The following FGF13 variants were observed in gnomAD, a reference collection of about 807,000 sequenced individuals.
FGF13 encodes fibroblast growth factor homologous factor 2.
In FGF13, 2 loss-of-function variants were observed where a neutral mutation model predicts 19.5. The observed-to-expected ratio is 0.10, with a 90% confidence interval of 0.04 to 0.32. The LOEUF (loss-of-function observed/expected upper bound fraction) is 0.32. FGF13 is among the 10% of genes least tolerant of loss of function. The pLI, the probability that FGF13 is intolerant of heterozygous loss-of-function variation, is 1.00. For missense variants in FGF13, 113 were observed against 192.7 expected (o/e 0.59, Z 2.45); for synonymous variants, 72 against 76.9 (o/e 0.94, Z 0.33).
chrX:138,833,876 G>C (rs771959295), intron 3 of FGF13, among the ~76,000 whole-genome samples: 34 of 111,891 alleles, frequency 3.0e-4, no homozygotes, highest in Admixed American at 2.9e-3. Flanking sequence ...AATCAATGCT[G>C]AATTTTATTG....
intron 1 of FGF13, among the ~76,000 whole-genome samples, chrX:139,047,299 T>C (rs1272927425): frequency 8.9e-6 from 1 of 112,496 alleles, no homozygotes; most frequent in African/African-American, 3.2e-5. Context: ...TATGTATACA[T>C]TGTGGAATGA....
intron 3 of FGF13, among the ~76,000 whole-genome samples, chrX:138,676,534 C>T (rs770885933): frequency 6.3e-5 from 7 of 111,705 alleles, no homozygotes; most frequent in Middle Eastern, 4.6e-3. Flanking sequence ...CTATGAAATA[C>T]GGACCCTATA....
At chrX:138,994,992 A>C (rs765987198) in intron 1 of FGF13, among the ~76,000 whole-genome samples, 1 of 109,632 alleles carries the variant, frequency 9.1e-6, no homozygotes, top group South Asian at 4.0e-4. Flanking sequence ...ACCAAAAAAA[A>C]AAAAAAAAAA....
At chrX:138,857,438 G>A (rs778494510), downstream of FGF13, 34 of 1,064,368 alleles carry the variant, frequency 3.2e-5, no homozygotes, top group Non-Finnish European at 4.2e-5. Flanking sequence ...AGAGGGCAAT[G>A]CACAATCCAA....
chrX:138,787,288 A>G (rs1336566094), intron 3 of FGF13, among the ~76,000 whole-genome samples: 1 of 112,661 alleles, frequency 8.9e-6, no homozygotes, highest in Non-Finnish European at 1.9e-5. Context: ...ACAGAGAAAG[A>G]GTGCTGCTCC....
upstream of FGF13, among the ~76,000 whole-genome samples, chrX:138,715,505 A>T (rs2090092871): frequency 8.9e-6 from 1 of 112,419 alleles, no homozygotes; most frequent in South Asian, 3.6e-4. Context: ...CATCTGTTTT[A>T]TATAGTGGAG....
intron 3 of FGF13, among the ~76,000 whole-genome samples, chrX:138,793,288 C>T (rs184148249): frequency 8.9e-6 from 1 of 111,910 alleles, no homozygotes; most frequent in African/African-American, 3.2e-5. Flanking sequence ...TAATTTGTTA[C>T]GGCAACCACA....
intron 1 of FGF13, among the ~76,000 whole-genome samples, chrX:138,879,513 G>A (rs2091410635): frequency 9.0e-6 from 1 of 111,607 alleles, no homozygotes; most frequent in East Asian, 2.8e-4. Flanking sequence ...ATTGGTTAAC[G>A]TTAGTTAATT....
intron 1 of FGF13, among the ~76,000 whole-genome samples, chrX:138,923,446 T>A (rs2091656829): frequency 8.9e-6 from 1 of 112,323 alleles, no homozygotes; most frequent in African/African-American, 3.2e-5. Context: ...TCACTGACTT[T>A]TCTAGGTTGG....
chrX:138,975,449 T>C (rs2091935995), intron 1 of FGF13, among the ~76,000 whole-genome samples: 1 of 111,558 alleles, frequency 9.0e-6, no homozygotes, highest in African/African-American at 3.3e-5. Flanking sequence ...ATCCAGTCTA[T>C]CATTGATGGA....
chrX:139,158,172 C>T (rs772922601), intron 1 of FGF13, among the ~76,000 whole-genome samples: 62 of 109,922 alleles, frequency 5.6e-4, no homozygotes, highest in African/African-American at 1.7e-3. Context: ...AAGCACAAAA[C>T]GGTGCGGCCA....
intron 1 of FGF13, among the ~76,000 whole-genome samples, chrX:138,736,891 C>T (rs1173202237): frequency 1.8e-5 from 2 of 110,117 alleles, no homozygotes; most frequent in Non-Finnish European, 3.8e-5. Flanking sequence ...ACGAAAGGAC[C>T]TTAAAAAGCT....
chrX:138,648,766 T>C (rs945194199), intron 3 of FGF13, among the ~76,000 whole-genome samples: 2 of 111,848 alleles, frequency 1.8e-5, no homozygotes, highest in African/African-American at 6.5e-5. Flanking sequence ...TTGGGGCCAG[T>C]TGATAATAGG....
intron 1 of FGF13, among the ~76,000 whole-genome samples, chrX:138,892,129 T>C (rs1285025014): frequency 9.0e-6 from 1 of 110,531 alleles, no homozygotes. Flanking sequence ...TATCTTCCCA[T>C]CTAGAGTGCA....
chrX:138,897,510 A>C (rs2091510444), intron 1 of FGF13, among the ~76,000 whole-genome samples: 1 of 111,706 alleles, frequency 9.0e-6, no homozygotes, highest in Non-Finnish European at 1.9e-5. Flanking sequence ...GACATCAGGT[A>C]GAGTTGTTGA....
At chrX:138,992,060 A>G (rs1351837982) in intron 1 of FGF13, among the ~76,000 whole-genome samples, 4 of 108,865 alleles carry the variant, frequency 3.7e-5, no homozygotes, top group African/African-American at 1.3e-4. Flanking sequence ...GAGCTTAGGC[A>G]TTTTTCCTAT....
chrX:139,065,340 A>G (rs968818568), intron 1 of FGF13, among the ~76,000 whole-genome samples: 3 of 110,565 alleles, frequency 2.7e-5, no homozygotes, highest in African/African-American at 6.6e-5. Flanking sequence ...AAATGCCCCA[A>G]TTAAAAGACA....
intron 1 of FGF13, among the ~76,000 whole-genome samples, chrX:139,136,540 C>A (rs766178406): frequency 9.0e-6 from 1 of 111,628 alleles, no homozygotes; most frequent in African/African-American, 3.3e-5. Flanking sequence ...CAAATTGTTG[C>A]ACTCACAACT....
chrX:139,052,572 T>C (rs1362093586), intron 1 of FGF13, among the ~76,000 whole-genome samples: 2 of 111,795 alleles, frequency 1.8e-5, no homozygotes, highest in East Asian at 5.6e-4. Context: ...AGTGGGAGTA[T>C]TGTTGTGGTG....
Sources: gnomAD v4.1 joint callset for allele counts (sites outside exome capture counted in the v4.1 genomes callset) on GRCh38, gnomAD v4.1.1 for gene constraint, MANE v1.5 for transcripts, NCBI Gene and HGNC (gene_info 2026-07-23, HGNC 2026-07-21) for gene names.